The following MOK variants were observed in gnomAD, a reference collection of about 807,000 sequenced individuals.
MOK encodes MOK protein kinase, also known as MAPK/MAK/MRK overlapping kinase.
MOK carries 59 observed loss-of-function variants against 54.2 expected under a neutral mutation model. That is an observed-to-expected ratio of 1.09 (90% confidence interval 0.88 to 1.35). MOK has a LOEUF of 1.35. Ranked by LOEUF, MOK falls within the 40% of genes most tolerant of loss-of-function variation. The pLI is 0.00. For synonymous variants in MOK, 210 were observed against 202.7 expected (o/e 1.04, Z -0.31); for missense variants, 517 against 526.2 (o/e 0.98, Z 0.17).
At chr14:102,283,743 T>A in intron 1 of MOK, 151 bp from the exon 2 acceptor site, 1 of 567,068 alleles carries the variant, frequency 1.8e-6, no homozygotes, top group Non-Finnish European at 3.1e-6. Flanking sequence ...AGTGGTCCCC[T>A]CAACTTTAGG....
At chr14:102,226,898 C>T (rs2064272837), downstream of MOK, among the ~76,000 whole-genome samples, 1 of 152,200 alleles carries the variant, frequency 6.6e-6, no homozygotes, top group African/African-American at 2.4e-5. The surrounding 1 kb of genome is among the most constrained non-coding windows in gnomAD (Gnocchi z 4.8). Context: ...GGAGGCCCAG[C>T]TGCCCTGGGC....
chr14:102,250,986 T>A lies in MOK; in HGVS notation c.416A>T (p.Asp139Val), dbSNP rs372368259. Reference sequence around the variant, plus strand: ...GCCAAAGTCCCCTAATTTCAGGACATCCTGCTGGAAGGGGAAAGAAGCAAG... The same window carrying A: ...GCCAAAGTCCCCTAATTTCAGGACAACCTGCTGGAAGGGGAAAGAAGCAAG... ...VKPENILIKQ[D>V]VLKLGDFGSC... The change falls in exon 7 of 12, where the codon GAT becomes GTT. Residue 139 changes from aspartate (D) to valine (V), a missense_variant. Coordinates refer to ENST00000361847, the MANE Select transcript of MOK (RefSeq NM_014226.3). The A allele has an allele frequency of 1.2e-6, 2 of 1,613,798 alleles. No individual in the cohort carries two copies. Among genetic ancestry groups the A allele is most frequent in the African/African-American group, 1.3e-5 (1 of 74,930 alleles).
chr14:102,269,147 G>A (rs185446721), intron 2 of MOK, among the ~76,000 whole-genome samples: 5 of 151,852 alleles, frequency 3.3e-5, no homozygotes, highest in Admixed American at 3.3e-4. Context: ...AATACATTAG[G>A]AAGCAATGAC....
At chr14:102,270,211 C>T (rs1597460942) in intron 2 of MOK, among the ~76,000 whole-genome samples, 1 of 152,236 alleles carries the variant, frequency 6.6e-6, no homozygotes, top group African/African-American at 2.4e-5. Flanking sequence ...AAATAAAGCA[C>T]AACATATAGA....
intron 2 of MOK, among the ~76,000 whole-genome samples, chr14:102,274,712 C>G (rs1182219127): frequency 6.6e-6 from 1 of 151,880 alleles, no homozygotes; most frequent in African/African-American, 2.4e-5. Context: ...CGGTAACTCA[C>G]GCCTGTAATC....
intron 1 of MOK, among the ~76,000 whole-genome samples, chr14:102,288,878 T>C (rs1042822642): frequency 2.0e-5 from 3 of 152,166 alleles, no homozygotes; most frequent in Admixed American, 6.6e-5. Flanking sequence ...CCAACTTGTA[T>C]ACTTAAATGT....
intron 6 of MOK, chr14:102,251,363 A>C: frequency 2.6e-6 from 1 of 389,186 alleles, no homozygotes; most frequent in Non-Finnish European, 4.9e-6. Flanking sequence ...GACTCTGCTG[A>C]CAGCCAGTGA....
chr14:102,292,763 A>T (rs2153185916), intron 1 of MOK, among the ~76,000 whole-genome samples: 1 of 152,278 alleles, frequency 6.6e-6, no homozygotes, highest in Admixed American at 6.5e-5. Context: ...AACAGGAAAA[A>T]AAAAAAGCTT....
At chr14:102,283,690 C>T in intron 1 of MOK, 98 bp from the exon 2 acceptor site, 1 of 668,784 alleles carries the variant, frequency 1.5e-6, no homozygotes, top group Admixed American at 2.8e-5. Context: ...ATAATTTAAA[C>T]AGCAATATAC....
At chr14:102,233,890 G>C in intron 7 of MOK, 101 bp from the exon 8 acceptor site, 1 of 826,968 alleles carries the variant, frequency 1.2e-6, no homozygotes, top group Admixed American at 2.3e-5. Context: ...ATCGTGGGAA[G>C]CATAAACAAA....
intron 7 of MOK, among the ~76,000 whole-genome samples, chr14:102,241,077 T>C (rs112741895): frequency 9.2e-4 from 140 of 152,226 alleles, no homozygotes; most frequent in Middle Eastern, 3.4e-3. Context: ...TGTCGAAAAA[T>C]GGGCAAATGG....
intron 7 of MOK, among the ~76,000 whole-genome samples, chr14:102,248,287 C>A (rs943827022): frequency 6.6e-6 from 1 of 152,192 alleles, no homozygotes; most frequent in African/African-American, 2.4e-5. Context: ...ATCTAGGCGC[C>A]ACGGTAAAGC....
chr14:102,272,876 G>C (rs1220426281), intron 2 of MOK, among the ~76,000 whole-genome samples: 1 of 151,954 alleles, frequency 6.6e-6, no homozygotes, highest in Non-Finnish European at 1.5e-5. Context: ...GGAAAGGCTA[G>C]AAAAAAAGTC....
chr14:102,302,574 C>A (rs1179696620), intron 1 of MOK, among the ~76,000 whole-genome samples: 2 of 151,536 alleles, frequency 1.3e-5, no homozygotes, highest in East Asian at 2.0e-4. Flanking sequence ...CACCACCACG[C>A]CTGGCTAATT....
At chr14:102,251,301 T>A in intron 6 of MOK, 1 of 397,358 alleles carries the variant, frequency 2.5e-6, no homozygotes, top group Admixed American at 3.9e-5. Flanking sequence ...GTCTGTCCGG[T>A]CATGCTGCCA....
chr14:102,273,294 AAAT>A (rs897441879), intron 2 of MOK, among the ~76,000 whole-genome samples: 3 of 150,430 alleles, frequency 2.0e-5, no homozygotes, highest in African/African-American at 4.8e-5. Flanking sequence ...AAAAAAAAAA[AAAT>A]AAGTGAATCC....
chr14:102,273,826 T>C (rs1186665542), intron 2 of MOK, among the ~76,000 whole-genome samples: 1 of 152,094 alleles, frequency 6.6e-6, no homozygotes, highest in African/African-American at 2.4e-5. Context: ...TAAAGCAAAC[T>C]GAAATAAATG....
chr14:102,220,919 C>T (rs945698363), downstream of MOK, among the ~76,000 whole-genome samples: 4 of 151,932 alleles, frequency 2.6e-5, no homozygotes, highest in Non-Finnish European at 4.4e-5. This position sits in a 1 kb window ranked among gnomAD's most constrained non-coding sequence, Gnocchi z 4.2. Context: ...GACAGCCGTG[C>T]GCCACCACAC....
chr14:102,265,617 AG>A (rs2067835314), intron 3 of MOK, among the ~76,000 whole-genome samples: 16 of 152,230 alleles, frequency 1.1e-4, no homozygotes, highest in Admixed American at 9.8e-4. Flanking sequence ...CATGACAGAG[AG>A]AGAGACTCCT....
Sources: gnomAD v4.1 joint callset for allele counts (sites outside exome capture counted in the v4.1 genomes callset) on GRCh38, gnomAD v4.1.1 for gene constraint, Gnocchi (gnomAD v3.1) non-coding constraint, MANE v1.5 for transcripts, NCBI Gene and HGNC (gene_info 2026-07-23, HGNC 2026-07-21) for gene names.